The following CIT variants were observed in gnomAD, a reference collection of about 807,000 sequenced individuals.
The protein encoded by CIT is citron rho-interacting serine/threonine kinase, also known as citron Rho-interacting kinase.
CIT carries 79 observed loss-of-function variants against 272.7 expected under a neutral mutation model. That is an observed-to-expected ratio of 0.29 (90% confidence interval 0.24 to 0.35). The LOEUF (loss-of-function observed/expected upper bound fraction) is 0.35. Ranked by LOEUF, CIT falls within the 10% of genes least tolerant of loss-of-function variation. The pLI, the probability that CIT is intolerant of heterozygous loss-of-function variation, is 1.00. For missense variants in CIT, 1,909 were observed against 2,618.3 expected, an observed-to-expected ratio of 0.73 and a Z score of 5.91; for synonymous variants, 948 against 995.6, an observed-to-expected ratio of 0.95 and a Z score of 0.90.
chr12:119,707,219 T>C (rs1337988218), intron 40 of CIT, among the ~76,000 whole-genome samples: 1 of 152,238 alleles, frequency 6.6e-6, no homozygotes. Flanking sequence ...TATTTTTAAA[T>C]TATGGATCAT....
At chr12:119,765,355 A>AAT (rs955467177) in intron 19 of CIT, among the ~76,000 whole-genome samples, 9 of 144,206 alleles carry the variant, frequency 6.2e-5, no homozygotes, top group Admixed American at 1.4e-4. Context: ...CATGTCTCTA[A>AAT]ATATATATAT....
chr12:119,728,648 T>C lies in CIT; in HGVS notation c.3487-42A>G, dbSNP rs1384676401. The C allele has an allele frequency of 7.7e-7, 1 of 1,291,942 alleles. No individual in the cohort carries two copies. The highest frequency in any genetic ancestry group is 1.2e-5 in the South Asian group (1 of 81,128). 80.0% of individuals were successfully genotyped at this position (1,291,942 alleles called of 1,614,324 possible). On this transcript the variant is annotated intron_variant, in intron 27 of 47. Coordinates refer to ENST00000392521, the MANE Select transcript of CIT (RefSeq NM_001206999.2). The surrounding 1 kb of genome is among the most constrained non-coding windows in gnomAD (Gnocchi z 4.3). ...ATTGGCATAATGCCACACTTAGGAA[T>C]GTTAGATGCTGACAACGTTTATGAA...
chr12:119,801,716 T>C (rs370186368), intron 10 of CIT, among the ~76,000 whole-genome samples: 2 of 152,306 alleles, frequency 1.3e-5, no homozygotes, highest in South Asian at 2.1e-4. Flanking sequence ...TTGATGCCAA[T>C]GGCAAAACCT....
At chr12:119,776,003 T>C (rs1219367068) in intron 15 of CIT, among the ~76,000 whole-genome samples, 164 bp from the exon 16 acceptor site, 1 of 152,204 alleles carries the variant, frequency 6.6e-6, no homozygotes, top group East Asian at 1.9e-4. Flanking sequence ...AGGGAAGACT[T>C]TGTCCCAGTG....
chr12:119,783,122 C>G (rs1306907666), intron 12 of CIT: 1 of 152,588 alleles, frequency 6.6e-6, no homozygotes, highest in Non-Finnish European at 1.5e-5. Flanking sequence ...TTCCTGGACA[C>G]CTTTCATCCA....
rs368400276 is a variant in CIT, at chr12:119,716,583, C to G, written c.4168+1662G>C. ...CAGCTCTACCCTAGTGTTCCTAAGA[C>G]ATTCCAAACAGCTTCCTTGGCCTTT... On this transcript the variant is annotated intron_variant, in intron 32 of 47. Transcript: ENST00000392521. Among the ~76,000 whole-genome samples, 4 of 152,190 alleles carry G rather than the reference C, an allele frequency of 2.6e-5. No homozygotes were observed. The East Asian group carries it at 5.8e-4, about 22-fold the overall frequency.
intron 28 of CIT, among the ~76,000 whole-genome samples, chr12:119,722,120 A>T (rs1466273793): frequency 6.6e-6 from 1 of 152,208 alleles, no homozygotes; most frequent in Non-Finnish European, 1.5e-5. Flanking sequence ...ATCTCGCTCC[A>T]ATTTTTATAA....
At chr12:119,717,678 C>T (rs935664580) in intron 32 of CIT, among the ~76,000 whole-genome samples, 2 of 151,758 alleles carry the variant, frequency 1.3e-5, no homozygotes, top group African/African-American at 4.8e-5. Flanking sequence ...GCCTCAGCAT[C>T]CCAAAGTGCT....
rs943944572 is a variant in CIT at position 119,877,061 on chromosome 12, C to T, written c.-14+188G>A. Among the ~76,000 whole-genome samples the T allele has an allele frequency of 2.0e-5, 3 of 152,282 alleles. No individual in the cohort carries two copies. The South Asian group carries it at 6.2e-4, about 32-fold the overall frequency. On this transcript the variant is annotated intron_variant, in intron 1 of 47. Coordinates refer to ENST00000392521, the MANE Select transcript of CIT (RefSeq NM_001206999.2). ...GCACCACTCGGCTGACCCCTCGGCT[C>T]CCAAGGAAGGTGGGCGCGCGCACAG...
chr12:119,800,734 C>T (rs943725458), intron 10 of CIT, among the ~76,000 whole-genome samples: 25 of 152,194 alleles, frequency 1.6e-4, no homozygotes, highest in Admixed American at 1.1e-3. Context: ...AACACAGGGT[C>T]GCTGGCAGCA....
intron 5 of CIT, among the ~76,000 whole-genome samples, chr12:119,842,212 A>C (rs1969453798): frequency 6.6e-6 from 1 of 151,906 alleles, no homozygotes; most frequent in African/African-American, 2.4e-5. Flanking sequence ...AATATGGTGA[A>C]ACTCCGTCTC....
chr12:119,851,248 C>A (rs781635971), intron 4 of CIT, among the ~76,000 whole-genome samples: 8 of 152,066 alleles, frequency 5.3e-5, no homozygotes, highest in African/African-American at 7.2e-5. Context: ...CATGGATACA[C>A]AAATATAGAT....
At chr12:119,758,456 G>A (rs980419693) in intron 21 of CIT, 135 bp downstream of exon 21, 1 of 665,054 alleles carries the variant, frequency 1.5e-6, no homozygotes, top group Non-Finnish European at 2.8e-6. Context: ...GATGACGTAA[G>A]TATCTGAGGG....
chr12:119,867,993 C>T (rs886266541), intron 3 of CIT, among the ~76,000 whole-genome samples: 1 of 152,178 alleles, frequency 6.6e-6, no homozygotes, highest in African/African-American at 2.4e-5. Flanking sequence ...CTTTGGGAGG[C>T]TGAGGCAGGA....
rs1950210887 is a variant in CIT at position 119,857,622 on chromosome 12, A to G, written c.315T>C (p.Cys105=). 1 of 1,614,230 alleles carries G rather than the reference A, an allele frequency of 6.2e-7. No individual in the cohort carries two copies. The highest frequency in any genetic ancestry group is 1.3e-5 in the African/African-American group (1 of 75,076). The change falls in exon 4 of 48, where the codon TGT becomes TGC. Residue 105 remains cysteine (C), a synonymous_variant. Transcript: ENST00000392521. Reference sequence around the variant, plus strand: ...CCACCTGCACTTCAGCAAAGTGACCACAACCTACAAGACTTCTGACTTCGA... The same window carrying G: ...CCACCTGCACTTCAGCAAAGTGACCGCAACCTACAAGACTTCTGACTTCGA... The part of the protein sequence containing the change: ...KDFEVRSLVG[C]GHFAEVQVVR...
In CIT at chr12:119,718,590, AT is replaced by A. The variant is rs1334828962; in HGVS notation, c.4003+108del. 6.8e-7 allele frequency: 1 copy of A among 1,468,102 alleles called. No individual in the cohort carries two copies. Among genetic ancestry groups the A allele is most frequent in the Admixed American group, 1.8e-5 (1 of 54,088 alleles). 90.9% of individuals were successfully genotyped at this position (1,468,102 alleles called of 1,614,324 possible). ...CATGGGATGTCTGGTCTGAAAGCGT[AT>A]GGGCCATAAACGAAGACACTGAGCT... On this transcript the variant is annotated intron_variant, in intron 31 of 47. Coordinates refer to ENST00000392521, the MANE Select transcript of CIT (RefSeq NM_001206999.2). This position sits in a 1 kb window ranked among gnomAD's most constrained non-coding sequence, Gnocchi z 4.8.
At chr12:119,772,609 C>A (rs1303282041) in intron 17 of CIT, among the ~76,000 whole-genome samples, 161 bp downstream of exon 17, 2 of 152,230 alleles carry the variant, frequency 1.3e-5, no homozygotes, top group African/African-American at 4.8e-5. Context: ...TTTCTTTCCC[C>A]TGGGGGGAAA....
At chr12:119,857,905 C>G (rs1324635485) in intron 3 of CIT, among the ~76,000 whole-genome samples, 1 of 152,060 alleles carries the variant, frequency 6.6e-6, no homozygotes, top group Non-Finnish European at 1.5e-5. Flanking sequence ...CTAGAAATTC[C>G]AAAGTACAGT....
chr12:119,799,990 C>G (rs1966055159), intron 10 of CIT, among the ~76,000 whole-genome samples: 1 of 152,114 alleles, frequency 6.6e-6, no homozygotes, highest in Admixed American at 6.5e-5. Flanking sequence ...AAATGCACGG[C>G]TTCACCAAGA....
Sources: gnomAD v4.1 joint callset for allele counts (sites outside exome capture counted in the v4.1 genomes callset) on GRCh38, gnomAD v4.1.1 for gene constraint, Gnocchi (gnomAD v3.1) non-coding constraint, MANE v1.5 for transcripts, NCBI Gene and HGNC (gene_info 2026-07-23, HGNC 2026-07-21) for gene names.